FAM13B: variants seen among roughly 807,000 people sequenced by gnomAD.
The protein encoded by FAM13B is family with sequence similarity 13 member B.
A neutral mutation model predicts 117.3 loss-of-function variants in FAM13B; 60 were observed. The observed-to-expected ratio is 0.51, with a 90% CI of 0.42 to 0.63. The LOEUF is 0.63. FAM13B is among the 30% of genes least tolerant of loss of function. The pLI, the probability that FAM13B is intolerant of heterozygous loss-of-function variation, is 0.00. For synonymous variants in FAM13B, 332 were observed against 356.1 expected, an observed-to-expected ratio of 0.93 and a Z score of 0.76; for missense variants, 972 against 1,091.9, an observed-to-expected ratio of 0.89 and a Z score of 1.55.
intron 6 of FAM13B, among the ~76,000 whole-genome samples, chr5:138,009,213 T>C (rs547726585): frequency 6.6e-6 from 1 of 152,300 alleles, no homozygotes; most frequent in Admixed American, 6.5e-5. Flanking sequence ...ATGCAGCAGA[T>C]TCTGTATAAT....
upstream of FAM13B, among the ~76,000 whole-genome samples, chr5:138,034,530 G>A (rs1443644698): frequency 6.6e-5 from 10 of 152,266 alleles, no homozygotes; most frequent in East Asian, 1.9e-3. Flanking sequence ...AGTTATACTA[G>A]CTGTACAGTT....
Position 137,959,793 on chromosome 5 carries a change from C to A in FAM13B, c.1294-30G>T, listed in dbSNP as rs541190932. 10 of 1,606,348 alleles carry A rather than the reference C, an allele frequency of 6.2e-6. No homozygotes were observed. The African/African-American group carries it at 1.2e-4, about 19-fold the overall frequency. The stretch of plus-strand genomic sequence containing the variant: ...ATTTTAAAATAAAGAATATATTTCA[C>A]AACTACGGAAGCTTTTCACACCCAG... On this transcript the variant is annotated intron_variant, in intron 12 of 23. Transcript: ENST00000689681.
At chr5:137,976,127 T>A (rs553330761) in intron 10 of FAM13B, among the ~76,000 whole-genome samples, 3 of 152,086 alleles carry the variant, frequency 2.0e-5, no homozygotes, top group South Asian at 2.1e-4. Flanking sequence ...TGGCTAATTT[T>A]TCGTATTTTT....
intron 1 of FAM13B, among the ~76,000 whole-genome samples, chr5:138,025,066 G>A (rs751616725): frequency 6.6e-6 from 1 of 151,592 alleles, no homozygotes; most frequent in Non-Finnish European, 1.5e-5. Flanking sequence ...TAGAGATGGA[G>A]TTTCACCACG....
At chr5:138,035,955 G>A (rs369572956), upstream of FAM13B, among the ~76,000 whole-genome samples, 34 of 152,124 alleles carry the variant, frequency 2.2e-4, no homozygotes, top group Middle Eastern at 3.2e-3. Context: ...TGGTCTAAGC[G>A]TAAAGCTATT....
At chr5:137,976,759 C>A (rs140784972) in intron 10 of FAM13B, among the ~76,000 whole-genome samples, 1 of 152,160 alleles carries the variant, frequency 6.6e-6, no homozygotes, top group African/African-American at 2.4e-5. Flanking sequence ...ATTTCCTATG[C>A]CTGTCTTTAC....
At chr5:137,975,283 T>C (rs537289621) in intron 10 of FAM13B, among the ~76,000 whole-genome samples, 22 of 152,314 alleles carry the variant, frequency 1.4e-4, no homozygotes, top group African/African-American at 5.3e-4. Flanking sequence ...GAAAACTTCA[T>C]TCTAAATTTC....
chr5:137,990,047 T>G (rs1267860259), intron 7 of FAM13B, among the ~76,000 whole-genome samples: 2 of 152,222 alleles, frequency 1.3e-5, no homozygotes, highest in Admixed American at 1.3e-4. Context: ...CTGAAGAGTC[T>G]TAACATGAAC....
rs146370900 is a variant in FAM13B at position 138,047,889 on chromosome 5, G to A, written c.-203+3989C>T. Among the ~76,000 whole-genome samples the A allele has an allele frequency of 3.9e-4, 59 of 152,302 alleles. 1 individual carries two copies. In the East Asian group the frequency reaches 7.1e-3, roughly 18 times the overall value. On this transcript the variant is annotated intron_variant, in intron 1 of 3. Transcript: ENST00000502471. ...CTGACTTTAGCCCAGTGAGACCCAC[G>A]TCAGACTGCTGACCTACAGAACTAT...
At chr5:138,050,263 C>T (rs916327696) in intron 1 of FAM13B, among the ~76,000 whole-genome samples, 7 of 152,070 alleles carry the variant, frequency 4.6e-5, no homozygotes, top group Admixed American at 3.3e-4. Flanking sequence ...CATGGAGAAA[C>T]CCTGTCCCTA....
chr5:137,948,180 CAA>C (rs59680291), intron 18 of FAM13B, among the ~76,000 whole-genome samples: 150 of 142,568 alleles, frequency 1.1e-3, no homozygotes, highest in Non-Finnish European at 8.9e-4. Context: ...AATGGCTCTT[CAA>C]AAAAAAAAAA....
intron 1 of FAM13B, among the ~76,000 whole-genome samples, chr5:138,021,587 A>G (rs1413797150): frequency 6.6e-6 from 1 of 152,338 alleles, no homozygotes; most frequent in South Asian, 2.1e-4. Flanking sequence ...TCAAAGAATC[A>G]AAGATATGAT....
intron 1 of FAM13B, among the ~76,000 whole-genome samples, chr5:138,025,630 T>A (rs558534470): frequency 1.3e-5 from 2 of 152,224 alleles, no homozygotes; most frequent in African/African-American, 4.8e-5. Context: ...TACACATACA[T>A]AGTAGCAGCA....
At position 137,968,082 on chromosome 5, in the gene FAM13B, C is replaced by A. The variant is rs183408342; in HGVS notation, c.1180-5613G>T. Among the ~76,000 whole-genome samples, 567 of 151,466 alleles carry A rather than the reference C, an allele frequency of 3.7e-3. 3 individuals are homozygous for A. Among genetic ancestry groups the A allele is most frequent in the African/African-American group, 0.013 (532 of 41,284 alleles). On this transcript the variant is annotated intron_variant, in intron 10 of 23. Transcript: ENST00000689681. ...ACTAAAAATACAAAAATTAGCCAGGCGTAGTGGCGTGTGCCTATAATCCCA... is the reference window on the plus strand; with the variant it reads ...ACTAAAAATACAAAAATTAGCCAGGAGTAGTGGCGTGTGCCTATAATCCCA...
At position 138,007,881 on chromosome 5, in the gene FAM13B, T is replaced by C. The variant is rs187673343; in HGVS notation, c.691-734A>G. On this transcript the variant is annotated intron_variant, in intron 6 of 23. Transcript: ENST00000689681. ...GTTATCCCAAAGAAGAAACTATCTA[T>C]AGAATTGCTTAATATAAACTAATAC... is the stretch of plus-strand genomic sequence containing the variant. 1.5e-4 allele frequency among the ~76,000 whole-genome samples: 23 copies of C among 152,340 alleles called. No homozygotes were observed. In the East Asian group the frequency reaches 2.7e-3, roughly 18 times the overall value.
intron 7 of FAM13B, among the ~76,000 whole-genome samples, chr5:137,992,745 G>A (rs1220692743): frequency 1.3e-5 from 2 of 152,200 alleles, no homozygotes; most frequent in Non-Finnish European, 2.9e-5. Flanking sequence ...AATGCCAAGT[G>A]TTGGCAAGGA....
chr5:137,953,601 AGT>A, intron 15 of FAM13B, 136 bp from the exon 16 acceptor site: 1 of 840,642 alleles, frequency 1.2e-6, no homozygotes, highest in South Asian at 1.8e-5. Context: ...AAGGACAGGT[AGT>A]ATAAAGAAAC....
chr5:137,959,561 T>G (rs1767553932), intron 13 of FAM13B, 55 bp downstream of exon 13: 8 of 1,581,362 alleles, frequency 5.1e-6, no homozygotes, highest in Non-Finnish European at 6.1e-6. Context: ...TTGCTTAGGG[T>G]AATTTCGGTT....
rs375120542 is a variant in FAM13B at position 137,954,224 on chromosome 5, G to A, written c.1660C>T (p.Arg554Cys). 121 of 1,613,966 alleles carry A rather than the reference G, an allele frequency of 7.5e-5. No homozygotes were observed. The highest frequency in any genetic ancestry group is 8.6e-5 in the Non-Finnish European group (102 of 1,179,984). ...AACTTTTCTGGATCATGTAGGAAAC[G>A]CTGGCTTTGACCAAAATCTAAACTG... is the stretch of plus-strand genomic sequence containing the variant. Reference protein sequence around the residue: ...HRSLDFGQSQRFLHDPEKLDS... With the variant: ...HRSLDFGQSQCFLHDPEKLDS... Residue 554 changes from arginine (R) to cysteine (C), a missense_variant, in exon 15 of 24, where the codon CGT becomes TGT. Arg to Cys is a radical substitution (Grantham distance 180). Transcript: ENST00000689681.
Sources: allele counts gnomAD v4.1 joint callset (sites outside exome capture counted in the v4.1 genomes callset), GRCh38; gene constraint gnomAD v4.1.1; transcripts MANE v1.5; gene names NCBI Gene and HGNC (gene_info 2026-07-23, HGNC 2026-07-21).